Variants in MARCHF8 observed in about 807,000 individuals in gnomAD.
The protein encoded by MARCHF8 is E3 ubiquitin-protein ligase MARCHF8.
MARCHF8 carries 40 observed loss-of-function variants against 51.6 expected under a neutral mutation model. The observed-to-expected ratio is 0.77, with a 90% CI of 0.60 to 1.01. The LOEUF (loss-of-function observed/expected upper bound fraction) is 1.01, where lower values mean the gene tolerates loss of function less well. Ranked by LOEUF, MARCHF8 falls within the 50% of genes least tolerant of loss-of-function variation. MARCHF8 has a pLI of 0.00. For synonymous variants in MARCHF8, 263 were observed against 280.3 expected, an observed-to-expected ratio of 0.94 and a Z score of 0.62; for missense variants, 685 against 708.6, an observed-to-expected ratio of 0.97 and a Z score of 0.38.
At chr10:45,590,709 T>C (rs144582853) in intron 1 of MARCHF8, among the ~76,000 whole-genome samples, 1 of 152,340 alleles carries the variant, frequency 6.6e-6, no homozygotes, top group Non-Finnish European at 1.5e-5. Context: ...GGGATATACA[T>C]ATACAACGTA....
intron 1 of MARCHF8, among the ~76,000 whole-genome samples, chr10:45,557,448 A>G (rs2044265268): frequency 6.6e-6 from 1 of 151,952 alleles, no homozygotes; most frequent in African/African-American, 2.4e-5. Context: ...CTTATTCTTA[A>G]TACTTCCTAC....
rs60445731 is a variant in MARCHF8, at chr10:45,456,074, A to G, written c.*2165T>C. ...TGAAGTGGGGATTCACACTTAGAAA[A>G]TCTATCCTGGTCTTCACCTGAAACA... is the stretch of plus-strand genomic sequence containing the variant. On this transcript the variant is annotated 3_prime_UTR_variant, in exon 8 of 8. Coordinates refer to ENST00000453424, the MANE Select transcript of MARCHF8 (RefSeq NM_001282866.2). 3.3e-5 allele frequency: 5 copies of G among 152,336 alleles called. No homozygotes were observed. The highest frequency in any genetic ancestry group is 9.6e-5 in the African/African-American group (4 of 41,570). The allele number at this position is 152,336 out of a possible 1,614,324, so 9.4% of individuals were successfully genotyped here. A position where few individuals can be genotyped will look rare whatever the true frequency, so the allele number is the denominator to read the frequency against.
chr10:45,479,003 C>A (rs2042837453), intron 3 of MARCHF8, among the ~76,000 whole-genome samples: 1 of 152,206 alleles, frequency 6.6e-6, no homozygotes, highest in Non-Finnish European at 1.5e-5. Context: ...TTCTACTAGA[C>A]CAGCATTATG....
chr10:45,486,643 T>C (rs78297347), intron 3 of MARCHF8, among the ~76,000 whole-genome samples: 12,083 of 152,152 alleles, frequency 0.079, 688 homozygotes, highest in Admixed American at 0.19. Flanking sequence ...TACCATTAAA[T>C]GAACTGTCCT....
chr10:45,550,472 C>T (rs888751528), intron 1 of MARCHF8, among the ~76,000 whole-genome samples: 2 of 152,212 alleles, frequency 1.3e-5, no homozygotes, highest in Non-Finnish European at 2.9e-5. Context: ...CTCAGCATGT[C>T]ATTGTACAAT....
chr10:45,495,478 G>C (rs2043157263), intron 2 of MARCHF8, among the ~76,000 whole-genome samples: 1 of 152,058 alleles, frequency 6.6e-6, no homozygotes, highest in South Asian at 2.1e-4. Flanking sequence ...ACATAATCAT[G>C]ATTTTAAGCT....
chr10:45,519,132 TTAAAGTGCCATTCGTAAAGGATTGAATA>T (rs1206475040), intron 2 of MARCHF8, among the ~76,000 whole-genome samples: 3 of 152,168 alleles, frequency 2.0e-5, no homozygotes, highest in African/African-American at 7.2e-5. Context: ...GAGTAAAAAT[TTAAAGTGCCATTCGTAAAGGATTGAATA>T]TATCTTCATT....
chr10:45,479,962 C>CTA (rs1440977951), intron 3 of MARCHF8, among the ~76,000 whole-genome samples: 1 of 152,148 alleles, frequency 6.6e-6, no homozygotes, highest in Non-Finnish European at 1.5e-5. Flanking sequence ...TTGGAACTTC[C>CTA]TAGACATTTG....
intron 1 of MARCHF8, among the ~76,000 whole-genome samples, chr10:45,583,303 G>A (rs768571291): frequency 8.5e-5 from 13 of 152,050 alleles, no homozygotes; most frequent in Admixed American, 2.0e-4. Flanking sequence ...AAATAAAAAC[G>A]GGACAACCAA....
At chr10:45,514,749 T>C (rs1205355265) in intron 2 of MARCHF8, among the ~76,000 whole-genome samples, 4 of 152,174 alleles carry the variant, frequency 2.6e-5, no homozygotes, top group Non-Finnish European at 5.9e-5. Context: ...CAGGATCTGT[T>C]TGCTCTTCCT....
Position 45,458,143 on chromosome 10 carries a change from A to G in MARCHF8, c.*96T>C. On this transcript the variant is annotated 3_prime_UTR_variant, in exon 8 of 8. Transcript: ENST00000453424. ...CTATAAATAGTCACCTGTCCAGTCTATGCTATTAAAGGACATAAGAAAGGT... is the reference window on the plus strand; with the variant it reads ...CTATAAATAGTCACCTGTCCAGTCTGTGCTATTAAAGGACATAAGAAAGGT... 8.1e-7 allele frequency: 1 copy of G among 1,236,452 alleles called. No homozygotes were observed. Among genetic ancestry groups the G allele is most frequent in the Non-Finnish European group, 1.1e-6 (1 of 895,336 alleles). 76.6% of individuals were successfully genotyped at this position (1,236,452 alleles called of 1,614,324 possible).
At chr10:45,459,995 G>T in intron 6 of MARCHF8, 1 of 634,076 alleles carries the variant, frequency 1.6e-6, no homozygotes, top group Non-Finnish European at 2.0e-6. Flanking sequence ...AGTCTATGCA[G>T]GGTAGTTGAA....
intron 3 of MARCHF8, among the ~76,000 whole-genome samples, chr10:45,480,804 G>A (rs12573460): frequency 6.6e-6 from 1 of 152,230 alleles, no homozygotes; most frequent in African/African-American, 2.4e-5. Context: ...CAGTGTGAAA[G>A]GGAAATGTGG....
At chr10:45,576,714 G>A (rs544937197) in intron 1 of MARCHF8, among the ~76,000 whole-genome samples, 3 of 149,704 alleles carry the variant, frequency 2.0e-5, no homozygotes, top group East Asian at 2.0e-4. Context: ...TTGAGCTCAG[G>A]AATACAAAAC....
Position 45,533,483 on chromosome 10 carries a change from G to T in MARCHF8, c.-78-194C>A, listed in dbSNP as rs925560292. Among the ~76,000 whole-genome samples the T allele has an allele frequency of 4.6e-5, 7 of 152,114 alleles. No homozygotes were observed. The South Asian group carries it at 8.3e-4, about 18-fold the overall frequency. ...TTCTAACATTTCTCATAATAAGATG[G>T]GAGCACCTGAAAGAGGCAGGTGGAT... On this transcript the variant is annotated intron_variant, in intron 1 of 7. Coordinates refer to ENST00000453424, the MANE Select transcript of MARCHF8 (RefSeq NM_001282866.2).
At chr10:45,501,762 A>G (rs2043284143) in intron 2 of MARCHF8, among the ~76,000 whole-genome samples, 1 of 152,166 alleles carries the variant, frequency 6.6e-6, no homozygotes, top group Non-Finnish European at 1.5e-5. Flanking sequence ...ACTAGTATTT[A>G]GAATACAGAA....
intron 2 of MARCHF8, among the ~76,000 whole-genome samples, chr10:45,501,206 T>C (rs1392849062): frequency 6.6e-6 from 1 of 151,816 alleles, no homozygotes; most frequent in Non-Finnish European, 1.5e-5. Flanking sequence ...GGAACTAGAA[T>C]ACTTAAAACA....
At chr10:45,485,208 C>CA (rs1268207484) in intron 3 of MARCHF8, among the ~76,000 whole-genome samples, 6 of 152,250 alleles carry the variant, frequency 3.9e-5, no homozygotes, top group South Asian at 2.1e-4. Flanking sequence ...CATGGCTCTA[C>CA]ACTCATGAAG....
chr10:45,578,042 A>T (rs929904051), intron 1 of MARCHF8, among the ~76,000 whole-genome samples: 2 of 152,180 alleles, frequency 1.3e-5, no homozygotes, highest in African/African-American at 4.8e-5. Context: ...GTTTAATAAA[A>T]AATTAAAATA....
Sources: allele counts gnomAD v4.1 joint callset (sites outside exome capture counted in the v4.1 genomes callset), GRCh38; gene constraint gnomAD v4.1.1; transcripts MANE v1.5; gene names NCBI Gene and HGNC (gene_info 2026-07-23, HGNC 2026-07-21).